The following CNBD1 variants were observed in gnomAD, a reference collection of about 807,000 sequenced individuals.
The protein encoded by CNBD1 is cyclic nucleotide-binding domain-containing protein 1.
CNBD1 carries 71 observed loss-of-function variants against 54.4 expected under a neutral mutation model. The ratio of observed to expected loss-of-function variants is 1.30; its 90% CI spans 1.08 to 1.59. The LOEUF is 1.59. CNBD1 is among the 40% of genes most tolerant of loss of function. CNBD1 has a pLI of 0.00. For synonymous variants in CNBD1, 182 were observed against 170.7 expected, an observed-to-expected ratio of 1.07 and a Z score of -0.51; for missense variants, 659 against 518.0, an observed-to-expected ratio of 1.27 and a Z score of -2.64.
intron 4 of CNBD1, among the ~76,000 whole-genome samples, chr8:86,982,329 G>A (rs73689978): frequency 1.3e-5 from 2 of 151,372 alleles, no homozygotes; most frequent in Non-Finnish European, 3.0e-5. Context: ...TTTGTGGCTT[G>A]TCTTTTTACT....
rs191851427 is a variant in CNBD1, at chr8:86,916,449, A to G, written c.272+11255A>G. Among the ~76,000 whole-genome samples, 109 of 152,166 alleles carry G rather than the reference A, an allele frequency of 7.2e-4. 1 individual carries two copies. The South Asian group carries it at 0.016, about 23-fold the overall frequency. On this transcript the variant is annotated intron_variant, in intron 3 of 10. Transcript: ENST00000518476. ...CCACACTGGCCTGCTAGCACTTGGG[A>G]GGTGAGCATGCACAGTGTGTTTACT...
At chr8:87,142,782 A>G (rs1332682473) in intron 4 of CNBD1, among the ~76,000 whole-genome samples, 1 of 152,162 alleles carries the variant, frequency 6.6e-6, no homozygotes, top group African/African-American at 2.4e-5. Flanking sequence ...AAAATGTCGG[A>G]TTCTGGTGAA....
chr8:86,866,690 G>A (rs1296985167), intron 1 of CNBD1, 107 bp downstream of exon 1: 4 of 771,194 alleles, frequency 5.2e-6, no homozygotes, highest in Non-Finnish European at 8.9e-6. Context: ...GGGACATTGG[G>A]AATCTTATTG....
At chr8:87,309,550 C>T (rs1341905461) in intron 8 of CNBD1, among the ~76,000 whole-genome samples, 2 of 152,010 alleles carry the variant, frequency 1.3e-5, no homozygotes, top group South Asian at 2.1e-4. Flanking sequence ...TCTAGAATTC[C>T]TAAATTGACT....
chr8:87,080,120 A>G (rs1810959116), intron 4 of CNBD1, among the ~76,000 whole-genome samples: 1 of 152,220 alleles, frequency 6.6e-6, no homozygotes, highest in Non-Finnish European at 1.5e-5. Flanking sequence ...AATTGAGCCT[A>G]CATTTCTGGG....
chr8:87,055,853 CTCCCTCCCTCCT>C (rs1051799584), intron 4 of CNBD1, among the ~76,000 whole-genome samples: 2 of 145,984 alleles, frequency 1.4e-5, no homozygotes, highest in Admixed American at 6.9e-5. Context: ...TCCTTCCTCC[CTCCCTCCCTCCT>C]TCCCTCCCTG....
chr8:87,095,840 G>A (rs905146632), intron 4 of CNBD1, among the ~76,000 whole-genome samples: 10 of 152,124 alleles, frequency 6.6e-5, no homozygotes, highest in Non-Finnish European at 1.3e-4. Flanking sequence ...TGTATTTTTA[G>A]TAGAGACGGG....
chr8:87,312,708 GT>G (rs1251807042), intron 8 of CNBD1, among the ~76,000 whole-genome samples: 1 of 151,764 alleles, frequency 6.6e-6, no homozygotes, highest in East Asian at 1.9e-4. Flanking sequence ...ATTTCGAGGT[GT>G]TTTTTTAAAA....
chr8:87,186,944 C>A (rs1324848654), intron 4 of CNBD1, among the ~76,000 whole-genome samples: 2 of 151,806 alleles, frequency 1.3e-5, no homozygotes, highest in East Asian at 1.9e-4. Context: ...TTTGGGCATC[C>A]CAAAAGCAAT....
chr8:87,217,749 A>G (rs1322660019), intron 5 of CNBD1, among the ~76,000 whole-genome samples: 9 of 152,072 alleles, frequency 5.9e-5, no homozygotes, highest in Non-Finnish European at 1.0e-4. Context: ...TTGTTTTTGT[A>G]GATTATTCTC....
At chr8:87,343,503 G>T (rs972727695) in intron 8 of CNBD1, among the ~76,000 whole-genome samples, 5 of 152,252 alleles carry the variant, frequency 3.3e-5, no homozygotes, top group African/African-American at 1.2e-4. Context: ...TCCATTCGGG[G>T]TCCCTGACTT....
intron 8 of CNBD1, among the ~76,000 whole-genome samples, chr8:87,320,192 T>C (rs1809489262): frequency 6.6e-6 from 1 of 152,114 alleles, no homozygotes; most frequent in South Asian, 2.1e-4. Flanking sequence ...TATACTAGCT[T>C]AACTTTTTAT....
intron 2 of CNBD1, among the ~76,000 whole-genome samples, chr8:87,421,054 G>C (rs922248939): frequency 3.3e-5 from 5 of 151,804 alleles, no homozygotes; most frequent in African/African-American, 1.2e-4. Flanking sequence ...AACTGAAAAT[G>C]CTTCATAATT....
At chr8:87,324,975 T>A (rs1809636490) in intron 8 of CNBD1, among the ~76,000 whole-genome samples, 1 of 107,248 alleles carries the variant, frequency 9.3e-6, no homozygotes, top group Non-Finnish European at 1.9e-5. Flanking sequence ...CTGCTTTGAA[T>A]GCGTCCCAGA....
intron 4 of CNBD1, among the ~76,000 whole-genome samples, chr8:87,153,335 A>C (rs939493801): frequency 6.6e-6 from 1 of 152,142 alleles, no homozygotes. Context: ...CCATTATTTT[A>C]ATGTCAACAG....
At chr8:87,345,931 A>T (rs1182669877) in intron 8 of CNBD1, among the ~76,000 whole-genome samples, 1 of 149,456 alleles carries the variant, frequency 6.7e-6, no homozygotes, top group African/African-American at 2.4e-5. Context: ...ATTAAAATAA[A>T]CTGATATTCA....
chr8:87,036,465 G>GCCCCA (rs1281201836), intron 4 of CNBD1, among the ~76,000 whole-genome samples: 1 of 151,718 alleles, frequency 6.6e-6, no homozygotes, highest in African/African-American at 2.4e-5. Context: ...GTGGTGGTGG[G>GCCCCA]CGCCTGTAGT....
intron 2 of CNBD1, among the ~76,000 whole-genome samples, chr8:87,388,816 C>A (rs187608573): frequency 6.6e-6 from 1 of 152,126 alleles, no homozygotes; most frequent in African/African-American, 2.4e-5. Flanking sequence ...AATTTTAGAC[C>A]AATATCCCTG....
chr8:87,018,334 T>G (rs1387262296), intron 4 of CNBD1, among the ~76,000 whole-genome samples: 1 of 152,194 alleles, frequency 6.6e-6, no homozygotes, highest in Non-Finnish European at 1.5e-5. Context: ...ATAATAAGCC[T>G]AAAACTTACC....
Sources: gnomAD v4.1 joint callset for allele counts (sites outside exome capture counted in the v4.1 genomes callset) on GRCh38, gnomAD v4.1.1 for gene constraint, MANE v1.5 for transcripts, NCBI Gene and HGNC (gene_info 2026-07-23, HGNC 2026-07-21) for gene names.